CABP1: variants seen among roughly 807,000 people sequenced by gnomAD.
CABP1 encodes the protein calcium-binding protein 1.
CABP1 carries 17 observed loss-of-function variants against 34.3 expected under a neutral mutation model. The observed-to-expected ratio is 0.50, with a 90% CI of 0.34 to 0.74. The LOEUF (loss-of-function observed/expected upper bound fraction) is 0.74, where lower values mean the gene tolerates loss of function less well. Among genes scored for constraint, CABP1 ranks in the 30% least tolerant of loss-of-function variants. CABP1 has a pLI of 0.01. For synonymous variants in CABP1, 198 were observed against 229.2 expected, an observed-to-expected ratio of 0.86 and a Z score of 1.23; for missense variants, 373 against 511.1, an observed-to-expected ratio of 0.73 and a Z score of 2.61.
intron 5 of CABP1, among the ~76,000 whole-genome samples, chr12:120,664,499 CA>C (rs1880842319): frequency 6.6e-6 from 1 of 152,204 alleles, no homozygotes; most frequent in African/African-American, 2.4e-5. Flanking sequence ...AACTTGGAAA[CA>C]ACCAAGGTGT....
At chr12:120,656,094 T>C (rs149552643) in intron 1 of CABP1, 8 of 1,614,044 alleles carry the variant, frequency 5.0e-6, no homozygotes, top group African/African-American at 1.3e-5. Flanking sequence ...TGGCTGAAGA[T>C]GTGCCAGGAG....
At chr12:120,652,805 G>T (rs1565996682) in intron 1 of CABP1, among the ~76,000 whole-genome samples, 1 of 152,116 alleles carries the variant, frequency 6.6e-6, no homozygotes, top group Non-Finnish European at 1.5e-5. Flanking sequence ...AAGCTGTTAG[G>T]TCATGAGGCA....
intron 5 of CABP1, among the ~76,000 whole-genome samples, chr12:120,662,711 T>C (rs1479860002): frequency 1.5e-5 from 2 of 136,964 alleles, no homozygotes; most frequent in East Asian, 4.5e-4. Flanking sequence ...TGAGACAAAG[T>C]CTCGCTCTTG....
In CABP1 at chr12:120,661,572, A is replaced by G. The variant is rs1280181930; in HGVS notation, c.1087+354A>G. The G allele has an allele frequency of 4.9e-6, 1 of 204,650 alleles. No individual in the cohort carries two copies. The highest frequency in any genetic ancestry group is 1.3e-4 in the East Asian group (1 of 7,962). 12.7% of individuals were successfully genotyped at this position (204,650 alleles called of 1,614,324 possible). On this transcript the variant is annotated intron_variant, in intron 5 of 5. Transcript: ENST00000316803. This position sits in a 1 kb window ranked among gnomAD's most constrained non-coding sequence, Gnocchi z 5.1. ...CCTCTACCTATCCATCCATCTGTCC[A>G]TTTATCCATTCATCCATTCATCTAC...
In CABP1 at chr12:120,667,058, C is replaced by T. The variant is rs968951930; in HGVS notation, c.*158C>T. On this transcript the variant is annotated 3_prime_UTR_variant, in exon 6 of 6. Coordinates refer to ENST00000316803, the MANE Select transcript of CABP1 (RefSeq NM_001033677.2). Reference sequence around the variant, plus strand: ...AGGCGCCCACCCCGGACCCCCACCCCTCCGCACTGTGAAAGACTAACTCCT... The same window carrying T: ...AGGCGCCCACCCCGGACCCCCACCCTTCCGCACTGTGAAAGACTAACTCCT... 1 of 792,020 alleles carries T rather than the reference C, an allele frequency of 1.3e-6. No homozygotes were observed. The highest frequency in any genetic ancestry group is 2.0e-6 in the Non-Finnish European group (1 of 498,040). 49.1% of individuals were successfully genotyped at this position (792,020 alleles called of 1,614,324 possible). A position where few individuals can be genotyped will look rare whatever the true frequency, so the allele number is the denominator to read the frequency against.
the CABP1 span, among the ~76,000 whole-genome samples, chr12:120,672,657 G>A: frequency 1.3e-5 from 2 of 148,306 alleles, no homozygotes; most frequent in Non-Finnish European, 3.0e-5. Flanking sequence ...AAAGTATCGT[G>A]TTTTAAAAAG....
In CABP1 at chr12:120,660,075, C is replaced by T; in HGVS notation, c.686-121C>T. ...TGCACAGGAGGCAAGAGAAATGCCCCAGCATCCTGGGAAGCTCCTGGGCCT... is the reference window on the plus strand; with the variant it reads ...TGCACAGGAGGCAAGAGAAATGCCCTAGCATCCTGGGAAGCTCCTGGGCCT... On this transcript the variant is annotated intron_variant, in intron 2 of 5. Coordinates refer to ENST00000316803, the MANE Select transcript of CABP1 (RefSeq NM_001033677.2). This position sits in a 1 kb window ranked among gnomAD's most constrained non-coding sequence, Gnocchi z 5.0. The T allele has an allele frequency of 3.6e-6, 5 of 1,394,098 alleles. No individual in the cohort carries two copies. The highest frequency in any genetic ancestry group is 2.0e-5 in the Admixed American group (1 of 50,336). The allele number at this position is 1,394,098 out of a possible 1,614,324, so 86.4% of individuals were successfully genotyped here. A position where few individuals can be genotyped will look rare whatever the true frequency, so the allele number is the denominator to read the frequency against.
At chr12:120,680,125 A>T in the CABP1 span, among the ~76,000 whole-genome samples, 2 of 152,268 alleles carry the variant, frequency 1.3e-5, no homozygotes, top group South Asian at 4.1e-4. Flanking sequence ...GTGAGCAGAA[A>T]TCACACCACT....
At chr12:120,663,219 T>C (rs1880764164) in intron 5 of CABP1, among the ~76,000 whole-genome samples, 1 of 152,200 alleles carries the variant, frequency 6.6e-6, no homozygotes, top group Non-Finnish European at 1.5e-5. Flanking sequence ...ATTTTCTTAA[T>C]CACTGCATTT....
Position 120,667,124 on chromosome 12 carries a change from C to T in CABP1, c.*224C>T, listed in dbSNP as rs1881053280. 2 of 595,034 alleles carry T rather than the reference C, an allele frequency of 3.4e-6. No homozygotes were observed. Among genetic ancestry groups the T allele is most frequent in the African/African-American group, 1.9e-5 (1 of 53,526 alleles). 36.9% of individuals were successfully genotyped at this position (595,034 alleles called of 1,614,324 possible). A position where few individuals can be genotyped will look rare whatever the true frequency, so the allele number is the denominator to read the frequency against. Reference sequence around the variant, plus strand: ...GGGCGCCCGCCGACGAGGAGGCCACCGTGCCAAGCCGGCAGAGGTCATGCC... The same window carrying T: ...GGGCGCCCGCCGACGAGGAGGCCACTGTGCCAAGCCGGCAGAGGTCATGCC... On this transcript the variant is annotated 3_prime_UTR_variant, in exon 6 of 6. Transcript: ENST00000316803.
intron 1 of CABP1, among the ~76,000 whole-genome samples, chr12:120,646,356 A>G (rs1422164193): frequency 6.6e-6 from 1 of 152,196 alleles, no homozygotes; most frequent in Non-Finnish European, 1.5e-5. Context: ...CAATGAGTTT[A>G]TCCTTCTCAT....
At chr12:120,674,908 CAA>C in the CABP1 span, among the ~76,000 whole-genome samples, 4 of 131,868 alleles carry the variant, frequency 3.0e-5, no homozygotes, top group Non-Finnish European at 1.6e-5. Context: ...CCACCTCCGC[CAA>C]AAAAAAAAAA....
chr12:120,673,316 G>A, the CABP1 span, among the ~76,000 whole-genome samples: 1 of 152,142 alleles, frequency 6.6e-6, no homozygotes. Flanking sequence ...CTGGCGTGGT[G>A]GCTCACACCT....
At position 120,656,249 on chromosome 12, in the gene CABP1, G is replaced by A. The variant is rs1412716718; in HGVS notation, c.655-3629G>A. On this transcript the variant is annotated intron_variant, in intron 1 of 5. Transcript: ENST00000316803. ...CCCTGCCTGCATTTTCCTGCGCAAG[G>A]GCTTCGCTGAGAACAGGCAGCCTGT... The A allele has an allele frequency of 8.9e-6, 14 of 1,568,646 alleles. No homozygotes were observed. In the Admixed American group the frequency reaches 2.5e-4, roughly 28 times the overall value.
intron 1 of CABP1, chr12:120,656,379 A>G (rs1171713132): frequency 1.8e-6 from 2 of 1,114,120 alleles, no homozygotes; most frequent in Non-Finnish European, 1.2e-6. Context: ...CCAACTTATG[A>G]ATCTGATCCC....
rs73222782 is a variant in CABP1 at position 120,650,052 on chromosome 12, C to T, written c.654+8713C>T. 6.3e-3 allele frequency: 537 copies of T among 85,052 alleles called. 1 individual carries two copies. The highest frequency in any genetic ancestry group is 0.016 in the African/African-American group (452 of 28,020). 5.3% of individuals were successfully genotyped at this position (85,052 alleles called of 1,614,324 possible). On this transcript the variant is annotated intron_variant, in intron 1 of 5. Transcript: ENST00000316803. ...ATGCACGTTTGTGTGTGTGTGTGTG[C>T]GCGCGCGCACACACACAAGGCTGGG...
chr12:120,667,256 G>A lies in CABP1; in HGVS notation c.*356G>A. Reference sequence around the variant, plus strand: ...CCCCAGGGCAAAGCCTCCCACCTTCGCTCTGCGCCCGTCCCAGCTCGCCTC... The same window carrying A: ...CCCCAGGGCAAAGCCTCCCACCTTCACTCTGCGCCCGTCCCAGCTCGCCTC... On this transcript the variant is annotated 3_prime_UTR_variant, in exon 6 of 6. Transcript: ENST00000316803. The A allele has an allele frequency of 2.4e-6, 1 of 418,180 alleles. No homozygotes were observed. Among genetic ancestry groups the A allele is most frequent in the South Asian group, 3.0e-5 (1 of 33,002 alleles). The allele number at this position is 418,180 out of a possible 1,614,324, so 25.9% of individuals were successfully genotyped here.
intron 1 of CABP1, among the ~76,000 whole-genome samples, chr12:120,650,963 A>G (rs562042708): frequency 6.6e-6 from 1 of 152,106 alleles, no homozygotes; most frequent in African/African-American, 2.4e-5. Context: ...TAAAATGAAA[A>G]GGGTGGATCC....
Position 120,661,821 on chromosome 12 carries a change from TTCC to T in CABP1, c.1087+607_1087+609del, listed in dbSNP as rs2137366169. The T allele has an allele frequency of 6.5e-6, 1 of 153,274 alleles. No homozygotes were observed. The highest frequency in any genetic ancestry group is 2.4e-5 in the African/African-American group (1 of 41,584). 9.5% of individuals were successfully genotyped at this position (153,274 alleles called of 1,614,324 possible). A position where few individuals can be genotyped will look rare whatever the true frequency, so the allele number is the denominator to read the frequency against. On this transcript the variant is annotated intron_variant, in intron 5 of 5. Coordinates refer to ENST00000316803, the MANE Select transcript of CABP1 (RefSeq NM_001033677.2). This position sits in a 1 kb window ranked among gnomAD's most constrained non-coding sequence, Gnocchi z 5.1. ...ATCTGTCCAGATGCCTATTTATCCA[TTCC>T]TCCATCTCTAAGCAATCATTCCTAT...
Sources: gnomAD v4.1 joint callset for allele counts (sites outside exome capture counted in the v4.1 genomes callset) on GRCh38, gnomAD v4.1.1 for gene constraint, Gnocchi (gnomAD v3.1) non-coding constraint, MANE v1.5 for transcripts, NCBI Gene and HGNC (gene_info 2026-07-23, HGNC 2026-07-21) for gene names.